ADAMTS6: variants seen among roughly 807,000 people sequenced by gnomAD.
The protein encoded by ADAMTS6 is A disintegrin and metalloproteinase with thrombospondin motifs 6.
Under a neutral mutation model 144.3 loss-of-function variants are expected in ADAMTS6, and 23 were observed. That is an observed-to-expected ratio of 0.16 (90% CI 0.11 to 0.23). ADAMTS6 has a LOEUF of 0.23. Ranked by LOEUF, ADAMTS6 falls within the 10% of genes least tolerant of loss-of-function variation. The pLI is 1.00. For missense variants in ADAMTS6, 999 were observed against 1,379.6 expected, an observed-to-expected ratio of 0.72 and a Z score of 4.37; for synonymous variants, 444 against 457.5, an observed-to-expected ratio of 0.97 and a Z score of 0.38.
At chr5:65,364,435 CAT>C (rs1292974490) in intron 7 of ADAMTS6, among the ~76,000 whole-genome samples, 2 of 151,874 alleles carry the variant, frequency 1.3e-5, no homozygotes, top group African/African-American at 2.4e-5. Flanking sequence ...CAGAGGATAA[CAT>C]AAAGAATACA....
intron 11 of ADAMTS6, among the ~76,000 whole-genome samples, chr5:65,285,586 G>A (rs1325341165): frequency 1.3e-5 from 2 of 152,096 alleles, no homozygotes; most frequent in African/African-American, 2.4e-5. Context: ...AGCCACTGGG[G>A]ATACAGCTGT....
chr5:65,430,688 G>A (rs1756930745), intron 7 of ADAMTS6, among the ~76,000 whole-genome samples: 1 of 152,140 alleles, frequency 6.6e-6, no homozygotes, highest in Non-Finnish European at 1.5e-5. Flanking sequence ...CAAAGAATAA[G>A]AGAGCCAAAA....
intron 22 of ADAMTS6, among the ~76,000 whole-genome samples, chr5:65,179,620 G>A (rs142273397): frequency 8.5e-4 from 129 of 152,042 alleles, no homozygotes; most frequent in East Asian, 5.8e-3. Context: ...AAATGAATGC[G>A]GATACTGGTC....
In ADAMTS6 at chr5:65,368,380, G is replaced by T. The variant is rs535835718; in HGVS notation, c.1074-34295C>A. Among the ~76,000 whole-genome samples the T allele has an allele frequency of 2.6e-5, 4 of 152,260 alleles. No individual in the cohort carries two copies. In the South Asian group the frequency reaches 6.2e-4, roughly 24 times the overall value. On this transcript the variant is annotated intron_variant, in intron 7 of 24. Coordinates refer to ENST00000381055, the MANE Select transcript of ADAMTS6 (RefSeq NM_197941.4). ...AGTCTTGAATGGCTTACCATTTGTT[G>T]CTTCAAAGTGTCCCTCACTTTGCTT...
At chr5:65,359,182 A>G (rs192686721) in intron 7 of ADAMTS6, among the ~76,000 whole-genome samples, 20 of 152,276 alleles carry the variant, frequency 1.3e-4, no homozygotes, top group African/African-American at 4.8e-4. Flanking sequence ...CAATAGCAAG[A>G]AAACCAATCA....
chr5:65,277,195 C>T (rs1762610106), intron 11 of ADAMTS6, among the ~76,000 whole-genome samples: 1 of 152,208 alleles, frequency 6.6e-6, no homozygotes, highest in African/African-American at 2.4e-5. Context: ...GAATGCCTGG[C>T]AATACAAAAG....
chr5:65,241,292 G>T (rs1035744035), intron 15 of ADAMTS6, among the ~76,000 whole-genome samples: 4 of 145,846 alleles, frequency 2.7e-5, no homozygotes, highest in Non-Finnish European at 6.0e-5. Flanking sequence ...GTGCAGTGGC[G>T]TGATCTTGGC....
At chr5:65,240,500 A>T (rs1759082944) in intron 15 of ADAMTS6, among the ~76,000 whole-genome samples, 1 of 152,150 alleles carries the variant, frequency 6.6e-6, no homozygotes, top group Admixed American at 6.5e-5. Context: ...CAAAACCCGT[A>T]TGTTGAAATC....
At chr5:65,446,278 T>C (rs973619907) in intron 7 of ADAMTS6, among the ~76,000 whole-genome samples, 4 of 152,124 alleles carry the variant, frequency 2.6e-5, no homozygotes, top group African/African-American at 9.7e-5. Context: ...ATAAGAAAAC[T>C]TGTTTAAATG....
At chr5:65,332,569 T>C (rs1746867850) in intron 8 of ADAMTS6, among the ~76,000 whole-genome samples, 1 of 152,006 alleles carries the variant, frequency 6.6e-6, no homozygotes, top group African/African-American at 2.4e-5. Flanking sequence ...TACCAGTTCA[T>C]TTTTATAAAC....
At chr5:65,409,724 T>C (rs1419046859) in intron 7 of ADAMTS6, among the ~76,000 whole-genome samples, 2 of 152,168 alleles carry the variant, frequency 1.3e-5, no homozygotes, top group Admixed American at 1.3e-4. Context: ...ATATCCCTGA[T>C]GAACATCGAT....
intron 7 of ADAMTS6, among the ~76,000 whole-genome samples, chr5:65,405,730 C>T (rs1754407368): frequency 6.6e-6 from 1 of 152,146 alleles, no homozygotes; most frequent in African/African-American, 2.4e-5. Context: ...TATAAATTAT[C>T]TTAGGCACTA....
At chr5:65,374,791 T>A (rs1286245917) in intron 7 of ADAMTS6, among the ~76,000 whole-genome samples, 1 of 152,108 alleles carries the variant, frequency 6.6e-6, no homozygotes, top group Non-Finnish European at 1.5e-5. Context: ...AAAAAGAGCC[T>A]GCATCGCCAT....
In ADAMTS6 at chr5:65,329,497, A is replaced by G. The variant is rs745612484; in HGVS notation, c.1118-14T>C. 2 of 1,599,260 alleles carry G rather than the reference A, an allele frequency of 1.3e-6. No homozygotes were observed. The highest frequency in any genetic ancestry group is 1.7e-6 in the Non-Finnish European group (2 of 1,173,884). ...CAGAGGCCAAGCCTGAATAAACAGA[A>G]AGAGACACAAAGGGTCAAGCCAAGG... On this transcript the variant is annotated splice_polypyrimidine_tract_variant and intron_variant, in intron 8 of 24. Transcript: ENST00000381055.
At chr5:65,301,734 A>T (rs928415559) in intron 9 of ADAMTS6, among the ~76,000 whole-genome samples, 3 of 152,154 alleles carry the variant, frequency 2.0e-5, no homozygotes, top group Non-Finnish European at 4.4e-5. Context: ...CATGCTTAGG[A>T]AGCACAATGA....
intron 9 of ADAMTS6, among the ~76,000 whole-genome samples, chr5:65,321,316 T>C (rs1038581236): frequency 6.6e-6 from 1 of 152,206 alleles, no homozygotes; most frequent in African/African-American, 2.4e-5. Flanking sequence ...TTGAGCTTTT[T>C]TTTCATATAT....
Position 65,408,262 on chromosome 5 carries a change from T to A in ADAMTS6, c.1073+43213A>T, listed in dbSNP as rs142927692. Among the ~76,000 whole-genome samples the A allele has an allele frequency of 2.3e-3, 351 of 152,190 alleles. 1 individual carries two copies. Among genetic ancestry groups the A allele is most frequent in the Non-Finnish European group, 4.2e-3 (285 of 68,014 alleles). On this transcript the variant is annotated intron_variant, in intron 7 of 24. Transcript: ENST00000381055. ...CTGTATTCAGGAAACCCATGTTACG[T>A]GCAGAGACACACATAGGCTCAAAAT...
intron 20 of ADAMTS6, chr5:65,210,796 C>A: frequency 1.7e-6 from 1 of 580,408 alleles, no homozygotes; most frequent in Non-Finnish European, 3.2e-6. Context: ...GTTCTCTCAA[C>A]ACATAAAGAA....
At chr5:65,155,291 ATTCTC>A (rs1172685142) in intron 24 of ADAMTS6, among the ~76,000 whole-genome samples, 16 of 152,152 alleles carry the variant, frequency 1.1e-4, no homozygotes, top group Non-Finnish European at 7.4e-5. Context: ...TGATGGGGAT[ATTCTC>A]TGAGAAATGC....
Sources: gnomAD v4.1 joint callset for allele counts (sites outside exome capture counted in the v4.1 genomes callset) on GRCh38, gnomAD v4.1.1 for gene constraint, MANE v1.5 for transcripts, NCBI Gene and HGNC (gene_info 2026-07-23, HGNC 2026-07-21) for gene names.